DCAF8L2: variants seen among roughly 807,000 people sequenced by gnomAD.
The protein encoded by DCAF8L2 is DDB1 and CUL4 associated factor 8 like 2.
For synonymous variants in DCAF8L2, 200 were observed against 190.9 expected (o/e 1.05, Z -0.39); for missense variants, 430 against 490.7 (o/e 0.88, Z 1.17).
At chrX:27,540,209 C>G in the DCAF8L2 span, among the ~76,000 whole-genome samples, 64 of 111,647 alleles carry the variant, frequency 5.7e-4, no homozygotes, top group African/African-American at 2.0e-3. Flanking sequence ...GCTTCTCTTA[C>G]TTGAGTTGAA....
the DCAF8L2 span, among the ~76,000 whole-genome samples, chrX:27,522,647 G>C: frequency 3.6e-5 from 4 of 111,821 alleles, no homozygotes; most frequent in African/African-American, 1.3e-4. Flanking sequence ...ATTCTACTCT[G>C]TTTCTATGAA....
chrX:27,642,113 T>C (rs1348172632), intron 2 of DCAF8L2, among the ~76,000 whole-genome samples: 3 of 108,797 alleles, frequency 2.8e-5, no homozygotes, highest in Non-Finnish European at 5.7e-5. Flanking sequence ...CAGGATGGTC[T>C]CAATCTCCTG....
chrX:27,479,530 A>G, the DCAF8L2 span, among the ~76,000 whole-genome samples: 5 of 112,037 alleles, frequency 4.5e-5, no homozygotes, highest in African/African-American at 1.3e-4. Flanking sequence ...CTGTGTTTAC[A>G]TTTCCATTAT....
chrX:27,526,468 G>A, the DCAF8L2 span, among the ~76,000 whole-genome samples: 1 of 112,161 alleles, frequency 8.9e-6, no homozygotes, highest in Non-Finnish European at 1.9e-5. Flanking sequence ...TGATGGGTTC[G>A]AACTTCCTCC....
chrX:27,680,052 T>TA (rs1012732450), intron 3 of DCAF8L2, among the ~76,000 whole-genome samples: 27 of 111,558 alleles, frequency 2.4e-4, no homozygotes, highest in African/African-American at 7.2e-4. Context: ...CCTGGGGTAG[T>TA]AAAAAAACTA....
At chrX:27,634,793 C>T (rs751828904) in intron 2 of DCAF8L2, among the ~76,000 whole-genome samples, 4 of 110,889 alleles carry the variant, frequency 3.6e-5, no homozygotes, top group Non-Finnish European at 5.7e-5. Context: ...TACCTTCAGG[C>T]TATGTGTATA....
At position 27,747,269 on chromosome X, in the gene DCAF8L2, G is replaced by T; in HGVS notation, c.374G>T (p.Gly125Val). 1 of 1,101,621 alleles carries T rather than the reference G, an allele frequency of 9.1e-7. No individual in the cohort carries two copies. Among genetic ancestry groups the T allele is most frequent in the Non-Finnish European group, 1.2e-6 (1 of 833,615 alleles). The allele number at this position is 1,101,621 out of a possible 1,213,427, so 90.8% of individuals were successfully genotyped here. A position where few individuals can be genotyped will look rare whatever the true frequency, so the allele number is the denominator to read the frequency against. ...EEDEEIQEEGGEEEEEEEEEE... is the reference protein window; with the variant it reads ...EEDEEIQEEGVEEEEEEEEEE... ...GACGAAGAGATACAAGAGGAGGGAGGGGAGGAGGAGGAAGAGGAGGAGGAG... is the reference window on the plus strand; with the variant it reads ...GACGAAGAGATACAAGAGGAGGGAGTGGAGGAGGAGGAAGAGGAGGAGGAG... The change falls in exon 5 of 5, where the codon GGG (glycine) becomes GTG (valine). Residue 125 changes from glycine (G) to valine (V), a missense_variant. By Grantham distance (109) the Gly-to-Val change is moderately radical. Coordinates refer to ENST00000451261, the MANE Select transcript of DCAF8L2 (RefSeq NM_001353450.2).
At chrX:27,528,128 T>A in the DCAF8L2 span, among the ~76,000 whole-genome samples, 1 of 81,067 alleles carries the variant, frequency 1.2e-5, no homozygotes, top group South Asian at 5.4e-4. Context: ...TATTAAATTA[T>A]AATTAAATTA....
intron 4 of DCAF8L2, among the ~76,000 whole-genome samples, chrX:27,719,803 G>A (rs932492416): frequency 5.4e-5 from 6 of 111,554 alleles, no homozygotes; most frequent in African/African-American, 2.0e-4. Context: ...TTGGATACAT[G>A]GCCTTTGTTA....
chrX:27,621,658 A>ACC (rs1927767067), intron 1 of DCAF8L2, among the ~76,000 whole-genome samples: 2 of 111,553 alleles, frequency 1.8e-5, no homozygotes, highest in African/African-American at 6.5e-5. Flanking sequence ...AGCGTGTATA[A>ACC]GATACCAGGT....
At chrX:27,743,334 C>A (rs1352994535) in intron 4 of DCAF8L2, among the ~76,000 whole-genome samples, 1 of 111,444 alleles carries the variant, frequency 9.0e-6, no homozygotes, top group African/African-American at 3.3e-5. Flanking sequence ...AATTCTCCCA[C>A]CCTAAGTCCA....
intron 2 of DCAF8L2, chrX:27,632,794 T>C (rs1928345899): frequency 9.0e-6 from 1 of 111,702 alleles, no homozygotes; most frequent in Non-Finnish European, 1.9e-5. Context: ...TTGGTTTCTT[T>C]TTTTTACTAC....
chrX:27,590,990 T>TA (rs1372816483), intron 1 of DCAF8L2, among the ~76,000 whole-genome samples: 4 of 49,581 alleles, frequency 8.1e-5, no homozygotes, highest in African/African-American at 3.2e-4. Flanking sequence ...GCCTTTACAT[T>TA]TTATATATAT....
intron 2 of DCAF8L2, among the ~76,000 whole-genome samples, chrX:27,659,723 AT>A (rs780791272): frequency 2.8e-5 from 3 of 108,517 alleles, no homozygotes; most frequent in Non-Finnish European, 3.8e-5. Flanking sequence ...AAAATTCTCC[AT>A]TTTTTTTTAA....
At position 27,631,972 on chromosome X, in the gene DCAF8L2, G is replaced by T. The variant is rs907009290; in HGVS notation, c.-248G>T. ...GGCTGCAGGATCCTAGTTGGTTCCT[G>T]TGACAGACCTTGGGAAGCTCAATCT... is the stretch of plus-strand genomic sequence containing the variant. On this transcript the variant is annotated 5_prime_UTR_variant, in exon 2 of 5. Transcript: ENST00000451261. The T allele has an allele frequency of 1.8e-5, 2 of 111,036 alleles. No individual in the cohort carries two copies. The highest frequency in any genetic ancestry group is 3.3e-5 in the African/African-American group (1 of 30,429). The allele number at this position is 111,036 out of a possible 1,213,427, so 9.2% of individuals were successfully genotyped here. A position where few individuals can be genotyped will look rare whatever the true frequency, so the allele number is the denominator to read the frequency against.
chrX:27,591,103 A>G (rs1926070616), intron 1 of DCAF8L2, among the ~76,000 whole-genome samples: 1 of 106,532 alleles, frequency 9.4e-6, no homozygotes, highest in South Asian at 4.3e-4. Flanking sequence ...TATATCATAA[A>G]TGCTGGGGGT....
chrX:27,567,362 ATTATTT>A, the DCAF8L2 span, among the ~76,000 whole-genome samples: 2 of 107,088 alleles, frequency 1.9e-5, no homozygotes, highest in East Asian at 5.9e-4. Flanking sequence ...CTGTCAATTT[ATTATTT>A]GTGATGTGTC....
the DCAF8L2 span, among the ~76,000 whole-genome samples, chrX:27,528,524 A>G: frequency 9.4e-6 from 1 of 106,156 alleles, no homozygotes; most frequent in Non-Finnish European, 1.9e-5. Flanking sequence ...ACATACACAT[A>G]TATGTTTATG....
At chrX:27,566,408 A>G in the DCAF8L2 span, among the ~76,000 whole-genome samples, 5 of 110,822 alleles carry the variant, frequency 4.5e-5, no homozygotes, top group South Asian at 3.8e-4. Flanking sequence ...TAGTGATTCA[A>G]TCACCTTATT....
Sources: allele counts gnomAD v4.1 joint callset (sites outside exome capture counted in the v4.1 genomes callset), GRCh38; gene constraint gnomAD v4.1.1; transcripts MANE v1.5; gene names NCBI Gene and HGNC (gene_info 2026-07-23, HGNC 2026-07-21).